The following SRFBP1 variants were observed in gnomAD, a reference collection of about 807,000 sequenced individuals.
The protein encoded by SRFBP1 is serum response factor binding protein 1.
In SRFBP1, 47 loss-of-function variants were observed where a neutral mutation model predicts 45.5. The observed-to-expected ratio is 1.03, with a 90% CI of 0.82 to 1.32. SRFBP1 has a LOEUF of 1.32. SRFBP1 is among the 40% of genes most tolerant of loss of function. SRFBP1 has a pLI of 0.00. For missense variants in SRFBP1, 621 were observed against 484.6 expected, an observed-to-expected ratio of 1.28 and a Z score of -2.64; for synonymous variants, 203 against 166.3, an observed-to-expected ratio of 1.22 and a Z score of -1.70.
chr5:122,068,105 G>T (rs1480150507), intron 2 of SRFBP1, among the ~76,000 whole-genome samples: 2 of 145,858 alleles, frequency 1.4e-5, no homozygotes, highest in Non-Finnish European at 1.5e-5. Context: ...ATTTTCATCT[G>T]GTTTATATTA....
chr5:121,997,667 G>T (rs1580515592), intron 4 of SRFBP1, among the ~76,000 whole-genome samples: 2 of 151,106 alleles, frequency 1.3e-5, no homozygotes, highest in Non-Finnish European at 3.0e-5. Context: ...TGACAAATGG[G>T]ATCTAATTAA....
downstream of SRFBP1, chr5:122,077,771 G>C (rs754947607): frequency 9.7e-6 from 15 of 1,549,130 alleles, no homozygotes; most frequent in East Asian, 1.7e-4. The surrounding 1 kb of genome is among the most constrained non-coding windows in gnomAD (Gnocchi z 4.9). Flanking sequence ...GGCGGCGCCC[G>C]GGTCCCGGCG....
intron 3 of SRFBP1, 46 bp downstream of exon 3, chr5:121,975,433 CTGTTATCCTGCATTT>C (rs1334245495): frequency 1.9e-6 from 3 of 1,598,892 alleles, no homozygotes; most frequent in African/African-American, 1.3e-5. Flanking sequence ...TCTGAGTATC[CTGTTATCCTGCATTT>C]TGTTTGTGTG....
At chr5:122,020,904 C>A in intron 6 of SRFBP1, 102 bp downstream of exon 6, 2 of 1,115,902 alleles carry the variant, frequency 1.8e-6, no homozygotes, top group Non-Finnish European at 2.4e-6. Flanking sequence ...CTAGTTTGTA[C>A]AACCCATCCT....
intron 4 of SRFBP1, among the ~76,000 whole-genome samples, chr5:122,000,224 T>G (rs1752829838): frequency 6.6e-6 from 1 of 152,106 alleles, no homozygotes. Context: ...GCCAATTACT[T>G]TATGCCTTCT....
intron 1 of SRFBP1, among the ~76,000 whole-genome samples, chr5:121,966,952 T>TA (rs1430366918): frequency 1.4e-4 from 20 of 145,778 alleles, no homozygotes; most frequent in African/African-American, 5.0e-4. Context: ...GCTAATTTTT[T>TA]TTTTTTTTTT....
chr5:121,963,699 T>C (rs548107517), intron 1 of SRFBP1, among the ~76,000 whole-genome samples: 12 of 152,282 alleles, frequency 7.9e-5, no homozygotes, highest in Admixed American at 2.6e-4. Context: ...TATGTGTCTA[T>C]CATGTGTAGC....
At chr5:121,978,442 A>C (rs1379825103) in intron 3 of SRFBP1, among the ~76,000 whole-genome samples, 8 of 152,184 alleles carry the variant, frequency 5.3e-5, no homozygotes, top group Non-Finnish European at 8.8e-5. Flanking sequence ...ACGTGTTTTC[A>C]GATCCTTTAA....
At chr5:122,055,972 A>C (rs967627127) in intron 2 of SRFBP1, among the ~76,000 whole-genome samples, 2 of 152,142 alleles carry the variant, frequency 1.3e-5, no homozygotes, top group Non-Finnish European at 2.9e-5. Context: ...ATCTTTATTT[A>C]AGGTATCCAA....
At chr5:121,990,236 AG>A (rs1369540685) in intron 3 of SRFBP1, among the ~76,000 whole-genome samples, 3 of 152,214 alleles carry the variant, frequency 2.0e-5, no homozygotes, top group Non-Finnish European at 2.9e-5. Context: ...AATACTGTGC[AG>A]CCATAAAAAA....
intron 2 of SRFBP1, chr5:122,074,109 C>T (rs778978848): frequency 6.2e-7 from 1 of 1,614,016 alleles, no homozygotes; most frequent in South Asian, 1.1e-5. Context: ...CAGCCACTCT[C>T]CTCTGGGTGT....
intron 2 of SRFBP1, among the ~76,000 whole-genome samples, chr5:122,054,448 C>CAGTCTG (rs1754042927): frequency 1.3e-5 from 2 of 152,208 alleles, no homozygotes; most frequent in Admixed American, 1.3e-4. Context: ...CTCAGATCAT[C>CAGTCTG]AGTCTGCAGG....
chr5:122,019,442 T>C, intron 5 of SRFBP1, 101 bp downstream of exon 5: 2 of 959,052 alleles, frequency 2.1e-6, no homozygotes, highest in South Asian at 3.6e-5. Context: ...ATTATAAATA[T>C]AAGTTTCTTT....
At chr5:122,036,770 C>T (rs1678119949) in intron 2 of SRFBP1, among the ~76,000 whole-genome samples, 1 of 152,134 alleles carries the variant, frequency 6.6e-6, no homozygotes, top group East Asian at 1.9e-4. Flanking sequence ...AAGCTTGCCC[C>T]TGCCCCTGTT....
At chr5:122,070,245 C>G in intron 2 of SRFBP1, 1 of 848,116 alleles carries the variant, frequency 1.2e-6, no homozygotes. Flanking sequence ...GAGGACTTAG[C>G]TAAATCAAGC....
intron 2 of SRFBP1, chr5:122,070,591 T>A: frequency 6.5e-7 from 1 of 1,535,132 alleles, no homozygotes; most frequent in Non-Finnish European, 9.0e-7. Flanking sequence ...ACTCAATCCC[T>A]AAGATAAACA....
At chr5:122,008,719 A>G (rs1369190078) in intron 4 of SRFBP1, among the ~76,000 whole-genome samples, 2 of 152,090 alleles carry the variant, frequency 1.3e-5, no homozygotes, top group African/African-American at 4.8e-5. Context: ...TATGAGCCCT[A>G]GAGAGTCCTG....
In SRFBP1 at chr5:122,056,584, G is replaced by C. The variant is rs1347080665; in HGVS notation, n.312-18731G>C. On this transcript the variant is annotated intron_variant and non_coding_transcript_variant, in intron 2 of 2. Transcript: ENST00000504881. ...AGTTTTGAACCTGGAGCTATTTATT[G>C]CTTGGTGTGGAACATCATGATTAAC... Among the ~76,000 whole-genome samples, 4 of 152,250 alleles carry C rather than the reference G, an allele frequency of 2.6e-5. No individual in the cohort carries two copies. In the East Asian group the frequency reaches 7.7e-4, roughly 29 times the overall value.
At chr5:122,048,549 G>A (rs1438393345) in intron 2 of SRFBP1, among the ~76,000 whole-genome samples, 2 of 152,154 alleles carry the variant, frequency 1.3e-5, no homozygotes, top group African/African-American at 4.8e-5. Flanking sequence ...TCAGGATGAT[G>A]CTGGCCTCAT....
Sources: gnomAD v4.1 joint callset for allele counts (sites outside exome capture counted in the v4.1 genomes callset) on GRCh38, gnomAD v4.1.1 for gene constraint, Gnocchi (gnomAD v3.1) non-coding constraint, MANE v1.5 for transcripts, NCBI Gene and HGNC (gene_info 2026-07-23, HGNC 2026-07-21) for gene names.